DPAGT1: variants seen among roughly 807,000 people sequenced by gnomAD.
DPAGT1 encodes the protein UDP-N-acetylglucosamine--dolichyl-phosphate N-acetylglucosaminephosphotransferase.
In DPAGT1, 25 loss-of-function variants were observed where a neutral mutation model predicts 39.3. The observed-to-expected ratio is 0.64, with a 90% CI of 0.46 to 0.89. DPAGT1 has a LOEUF of 0.89. Among genes scored for constraint, DPAGT1 ranks in the 40% least tolerant of loss-of-function variants. The probability of loss-of-function intolerance (pLI) is 0.00; values close to 1 mark genes in which losing one functional copy is unlikely to be tolerated. For missense variants in DPAGT1, 381 were observed against 500.6 expected, an observed-to-expected ratio of 0.76 and a Z score of 2.28; for synonymous variants, 193 against 201.4, an observed-to-expected ratio of 0.96 and a Z score of 0.36.
In DPAGT1 at chr11:119,100,274, C is replaced by T. The variant is rs752838138; in HGVS notation, c.631G>A (p.Val211Ile). 1 of 1,614,142 alleles carries T rather than the reference C, an allele frequency of 6.2e-7. No homozygotes were observed. The highest frequency in any genetic ancestry group is 2.2e-5 in the East Asian group (1 of 44,886). The change falls in exon 4 of 9, where the codon GTA becomes ATA. Residue 211 changes from valine (V) to isoleucine (I), a missense_variant. Transcript: ENST00000354202. ...CAATCCCACCTACCTTCCAACTCTA[C>T]CAGGTTGAAGACAATGATGGAAGCA... is the stretch of plus-strand genomic sequence containing the variant. ...ISASIIVFNL[V>I]ELEGDCRDDH... is the part of the protein sequence containing the mutation.
At chr11:119,094,887 A>G, downstream of DPAGT1, 2 of 1,393,646 alleles carry the variant, frequency 1.4e-6, no homozygotes, top group Non-Finnish European at 1.9e-6. Flanking sequence ...TCTTTCCATG[A>G]GGGCGGTGGT....
Position 119,101,675 on chromosome 11 carries a change from G to C in DPAGT1, c.-20C>G, listed in dbSNP as rs1325766284. On this transcript the variant is annotated 5_prime_UTR_variant, in exon 1 of 9. Coordinates refer to ENST00000354202, the MANE Select transcript of DPAGT1 (RefSeq NM_001382.4). ...CCACATGGTGACCGGTCAGGGGCCC[G>C]GCTCCGCCGCCTCTTCAGGTAACGG... 1 of 1,614,052 alleles carries C rather than the reference G, an allele frequency of 6.2e-7. No homozygotes were observed. The highest frequency in any genetic ancestry group is 8.5e-7 in the Non-Finnish European group (1 of 1,180,022).
At chr11:119,099,958 G>C (rs2134909317) in intron 4 of DPAGT1, among the ~76,000 whole-genome samples, 1 of 152,234 alleles carries the variant, frequency 6.6e-6, no homozygotes, top group Non-Finnish European at 1.5e-5. Context: ...TCTAGTTTTA[G>C]TCTTGCTCCA....
In DPAGT1 at chr11:119,097,978, A is replaced by G. The variant is rs779295856; in HGVS notation, c.794T>C (p.Val265Ala). 6.2e-7 allele frequency: 1 copy of G among 1,614,240 alleles called. No individual in the cohort carries two copies. Among genetic ancestry groups the G allele is most frequent in the Non-Finnish European group, 8.5e-7 (1 of 1,180,036 alleles). ...CTTGCTGAAGTGTCCCAAGATGCCC[A>G]CCACGGCAAAGGTCATGCCAGCAAA... ...CYFAGMTFAV[V>A]GILGHFSKTM... The change falls in exon 6 of 9, where the codon GTG (valine) becomes GCG (alanine). Residue 265 changes from valine (V) to alanine (A), a missense_variant. Transcript: ENST00000354202. The surrounding 1 kb of genome is among the most constrained non-coding windows in gnomAD (Gnocchi z 4.6).
At chr11:119,096,401 C>T (rs905062231), downstream of DPAGT1, 3 of 165,472 alleles carry the variant, frequency 1.8e-5, no homozygotes, top group Non-Finnish European at 2.7e-5. Context: ...TCTTGTTAGA[C>T]GGGGTCTGAT....
At chr11:119,095,593 G>A (rs561428433), downstream of DPAGT1, 935 of 552,548 alleles carry the variant, frequency 1.7e-3, no homozygotes, top group Non-Finnish European at 2.3e-3. Context: ...TCGCGGCTCG[G>A]CTGAGGGAGC....
Position 119,101,845 on chromosome 11 carries a change from C to T in DPAGT1, c.-190G>A, listed in dbSNP as rs1592230642. ...CACCGGGGAACCTCTCTAAGGCAAC[C>T]TATGTTCTGCCCCGCTGCACCCGCC... is the stretch of plus-strand genomic sequence containing the variant. On this transcript the variant is annotated 5_prime_UTR_variant, in exon 1 of 9. Transcript: ENST00000354202. 6.2e-6 allele frequency: 9 copies of T among 1,461,638 alleles called. No individual in the cohort carries two copies. Among genetic ancestry groups the T allele is most frequent in the South Asian group, 1.4e-5 (1 of 71,860 alleles). 90.5% of individuals were successfully genotyped at this position (1,461,638 alleles called of 1,614,324 possible).
chr11:119,098,224 G>A (rs779860795), intron 5 of DPAGT1, 179 bp downstream of exon 5: 21 of 1,080,898 alleles, frequency 1.9e-5, no homozygotes, highest in South Asian at 1.2e-4. Context: ...GGGCCTCCAC[G>A]CACTCATCCC....
Position 119,098,449 on chromosome 11 carries a change from T to C in DPAGT1, c.682A>G (p.Met228Val), listed in dbSNP as rs1187032445. 1.2e-6 allele frequency: 2 copies of C among 1,614,092 alleles called. No homozygotes were observed. The highest frequency in any genetic ancestry group is 1.3e-5 in the African/African-American group (1 of 74,998). The change falls in exon 5 of 9, where the codon ATG (methionine) becomes GTG (valine). Residue 228 changes from methionine (M) to valine (V), a missense_variant. Met to Val is a conservative substitution (Grantham distance 21). Coordinates refer to ENST00000354202, the MANE Select transcript of DPAGT1 (RefSeq NM_001382.4). ...AAAGTGGTGAAAAAAAAGGGTATCA[T>C]GAAGTAGAGGGAAAAGACATGATCA... Reference protein sequence around the residue: ...RDDHVFSLYFMIPFFFTTLGL... With the variant: ...RDDHVFSLYFVIPFFFTTLGL...
Position 119,097,857 on chromosome 11 carries a change from G to C in DPAGT1, c.915C>G (p.Pro305=), listed in dbSNP as rs1328242967. 3.1e-6 allele frequency: 5 copies of C among 1,613,950 alleles called. No homozygotes were observed. Among genetic ancestry groups the C allele is most frequent in the Non-Finnish European group, 4.2e-6 (5 of 1,179,952 alleles). The part of the protein sequence containing the change: ...HIIPCPRHRI[P]RLNIKTGKLE... ...ATTTCAAGCCAAAAAGCGGCTACCT[G>C]GGTATGCGGTGGCGAGGGCAGGGGA... Residue 305 remains proline (P), a splice_region_variant and synonymous_variant, in exon 6 of 9, where the codon CCC becomes CCG. Transcript: ENST00000354202. This position sits in a 1 kb window ranked among gnomAD's most constrained non-coding sequence, Gnocchi z 4.6.
Position 119,100,724 on chromosome 11 carries a change from T to C in DPAGT1, c.402A>G (p.Leu134=). 6.2e-7 allele frequency: 1 copy of C among 1,613,584 alleles called. No individual in the cohort carries two copies. Among genetic ancestry groups the C allele is most frequent in the Middle Eastern group, 1.7e-4 (1 of 6,052 alleles). The part of the protein sequence containing the change: ...HKLLLPTAAS[L]PLLMVYFTNF... ...TGGTGAAATAGACCATGAGGAGAGG[T>C]AGTGAGGCAGCTGTAGGTAGCAGCA... The change falls in exon 3 of 9, where the codon CTA becomes CTG. Residue 134 remains leucine, a synonymous_variant. Coordinates refer to ENST00000354202, the MANE Select transcript of DPAGT1 (RefSeq NM_001382.4).
intron 4 of DPAGT1, among the ~76,000 whole-genome samples, chr11:119,099,053 A>G (rs1946447561): frequency 6.6e-6 from 1 of 152,182 alleles, no homozygotes; most frequent in Non-Finnish European, 1.5e-5. Context: ...AGGGGCTTGT[A>G]GTAGCGTTTG....
Position 119,101,057 on chromosome 11 carries a change from G to A in DPAGT1, c.243C>T (p.Cys81=), listed in dbSNP as rs138519099. Residue 81 remains cysteine, a synonymous_variant, in exon 2 of 9, where the codon TGC becomes TGT. Transcript: ENST00000354202. ...FCFIPFPFLN[C]FVKEQCKAFP... is the part of the protein sequence containing the mutation. The stretch of plus-strand genomic sequence containing the variant: ...ATGCCTTACACTGCTCCTTCACAAA[G>A]CAGTTCAGGAAGGGGAAAGGGATGA... 732 of 1,614,120 alleles carry A rather than the reference G, an allele frequency of 4.5e-4. No homozygotes were observed. The highest frequency in any genetic ancestry group is 5.6e-4 in the Non-Finnish European group (665 of 1,180,034).
intron 4 of DPAGT1, among the ~76,000 whole-genome samples, 173 bp from the exon 5 acceptor site, chr11:119,098,660 T>C (rs919372805): frequency 2.0e-5 from 3 of 152,218 alleles, no homozygotes; most frequent in Non-Finnish European, 4.4e-5. Context: ...ATATTCCACC[T>C]CTTTCGTGCA....
In DPAGT1 at chr11:119,096,983, CA is replaced by C; in HGVS notation, c.*14del. 6.2e-7 allele frequency: 1 copy of C among 1,613,936 alleles called. No individual in the cohort carries two copies. Among genetic ancestry groups the C allele is most frequent in the Non-Finnish European group, 8.5e-7 (1 of 1,179,950 alleles). On this transcript the variant is annotated 3_prime_UTR_variant, in exon 9 of 9. Transcript: ENST00000354202. ...ATCCTAGAGACTGTGAGGTAAAGGA[CA>C]ATGATCAAGGGACTCAGACATCATA...
downstream of DPAGT1, chr11:119,093,926 T>G (rs992507940): frequency 1.3e-5 from 2 of 156,322 alleles, no homozygotes; most frequent in African/African-American, 4.8e-5. Context: ...AACTCCCCAA[T>G]GCCTAAGGTT....
chr11:119,101,476 C>G lies in DPAGT1; in HGVS notation c.161+19G>C. ...CCTTAGCCCTTGCCCCCTGCCCGGACCCGTGTGCCGCTGCTCACATCTGCT... is the reference window on the plus strand; with the variant it reads ...CCTTAGCCCTTGCCCCCTGCCCGGAGCCGTGTGCCGCTGCTCACATCTGCT... On this transcript the variant is annotated intron_variant, in intron 1 of 8. Transcript: ENST00000354202. 1 of 1,613,980 alleles carries G rather than the reference C, an allele frequency of 6.2e-7. No individual in the cohort carries two copies. Among genetic ancestry groups the G allele is most frequent in the Non-Finnish European group, 8.5e-7 (1 of 1,179,884 alleles).
Position 119,100,811 on chromosome 11 carries a change from G to C in DPAGT1, c.315C>G (p.Ile105Met), listed in dbSNP as rs548399110. 1 of 1,614,238 alleles carries C rather than the reference G, an allele frequency of 6.2e-7. No individual in the cohort carries two copies. Among genetic ancestry groups the C allele is most frequent in the African/African-American group, 1.3e-5 (1 of 75,052 alleles). ...FVALIGALLAICCMIFLGFAD... is the reference protein window; with the variant it reads ...FVALIGALLAMCCMIFLGFAD... ...CAAAGCCCAGGAAGATCATGCAGCA[G>C]ATGGCAAGGAGGGCACCTATCAGGG... Residue 105 changes from isoleucine (I) to methionine (M), a missense_variant, in exon 3 of 9, where the codon ATC becomes ATG. By Grantham distance (10) the Ile-to-Met change is conservative (BLOSUM62 1). Coordinates refer to ENST00000354202, the MANE Select transcript of DPAGT1 (RefSeq NM_001382.4).
At chr11:119,095,432 CACTAGA>C, downstream of DPAGT1, 1 of 1,466,406 alleles carries the variant, frequency 6.8e-7, no homozygotes, top group South Asian at 1.4e-5. Context: ...ACGGCTCAAA[CACTAGA>C]ACAGACGCCC....
Sources: gnomAD v4.1 joint callset for allele counts (sites outside exome capture counted in the v4.1 genomes callset) on GRCh38, gnomAD v4.1.1 for gene constraint, Gnocchi (gnomAD v3.1) non-coding constraint, MANE v1.5 for transcripts, NCBI Gene and HGNC (gene_info 2026-07-23, HGNC 2026-07-21) for gene names.